The following ZNF469 variants were observed in gnomAD, a reference collection of about 807,000 sequenced individuals.
ZNF469 encodes the protein zinc finger protein 469.
In ZNF469, 1 loss-of-function variant was observed where a neutral mutation model predicts 1.0. That is an observed-to-expected ratio of 1.00 (90% confidence interval 0.35 to 4.73). ZNF469 has a LOEUF of 4.73. Ranked by LOEUF, ZNF469 falls within the 30% of genes most tolerant of loss-of-function variation. The pLI is 0.16. For missense variants in ZNF469, 6,100 were observed against 5,356.3 expected (o/e 1.14, Z -4.33); for synonymous variants, 2,703 against 2,363.4 (o/e 1.14, Z -4.17).
chr16:88,349,708 A>ACACG, the ZNF469 span, among the ~76,000 whole-genome samples: 1 of 74,016 alleles, frequency 1.4e-5, no homozygotes, highest in South Asian at 5.3e-4. Flanking sequence ...CACACACCAC[A>ACACG]CAAGTACACA....
intron 1 of ZNF469, among the ~76,000 whole-genome samples, chr16:88,400,362 A>G (rs929550316): frequency 6.6e-6 from 1 of 152,208 alleles, no homozygotes; most frequent in Non-Finnish European, 1.5e-5. Flanking sequence ...TTGGCCTACC[A>G]GGACAACGGC....
At chr16:88,353,160 G>C in the ZNF469 span, among the ~76,000 whole-genome samples, 1 of 152,150 alleles carries the variant, frequency 6.6e-6, no homozygotes, top group Non-Finnish European at 1.5e-5. Flanking sequence ...TAACAGTCCT[G>C]CGGACAGTGC....
the ZNF469 span, among the ~76,000 whole-genome samples, chr16:88,146,453 C>T: frequency 6.6e-6 from 1 of 152,146 alleles, no homozygotes; most frequent in Non-Finnish European, 1.5e-5. Context: ...GGACCCGGGT[C>T]TCACGCCCCC....
the ZNF469 span, among the ~76,000 whole-genome samples, chr16:88,369,648 C>T: frequency 9.8e-5 from 15 of 152,306 alleles, no homozygotes; most frequent in Non-Finnish European, 1.3e-4. Context: ...CTGGCTGTGA[C>T]GACATTCTCA....
the ZNF469 span, among the ~76,000 whole-genome samples, chr16:88,140,698 G>T: frequency 5.3e-5 from 8 of 152,196 alleles, no homozygotes; most frequent in Non-Finnish European, 8.8e-5. Flanking sequence ...TTGGGAAGCC[G>T]AGGTGGGTGG....
the ZNF469 span, among the ~76,000 whole-genome samples, chr16:88,269,246 G>C: frequency 6.6e-6 from 1 of 151,542 alleles, no homozygotes; most frequent in Non-Finnish European, 1.5e-5. Flanking sequence ...CTGCGCCTTA[G>C]CTTCTTTCCC....
the ZNF469 span, among the ~76,000 whole-genome samples, chr16:88,158,523 C>T: frequency 1.3e-5 from 2 of 150,584 alleles, no homozygotes; most frequent in African/African-American, 4.9e-5. Context: ...TGGGCACATG[C>T]CTGCCTCTGC....
the ZNF469 span, among the ~76,000 whole-genome samples, chr16:88,267,803 G>C: frequency 6.6e-6 from 1 of 151,918 alleles, no homozygotes; most frequent in African/African-American, 2.4e-5. Context: ...GGGCTGTTTG[G>C]GATAATGCAG....
At chr16:88,168,359 C>T in the ZNF469 span, among the ~76,000 whole-genome samples, 3 of 152,172 alleles carry the variant, frequency 2.0e-5, no homozygotes, top group Admixed American at 1.3e-4. The surrounding 1 kb of genome is among the most constrained non-coding windows in gnomAD (Gnocchi z 4.3). Flanking sequence ...TTTTTCCCCA[C>T]ATATTTTCTA....
chr16:88,138,382 G>T, the ZNF469 span, among the ~76,000 whole-genome samples: 1 of 152,162 alleles, frequency 6.6e-6, no homozygotes, highest in Non-Finnish European at 1.5e-5. Context: ...GCCTGGGAGC[G>T]CCCAGCGGGT....
chr16:88,117,660 A>AG, the ZNF469 span, among the ~76,000 whole-genome samples: 17 of 84,454 alleles, frequency 2.0e-4, no homozygotes, highest in South Asian at 2.7e-3. Flanking sequence ...GTGTCTTCAC[A>AG]AACCGTGGAG....
the ZNF469 span, among the ~76,000 whole-genome samples, chr16:88,316,537 G>A: frequency 5.7e-4 from 69 of 121,244 alleles, no homozygotes; most frequent in African/African-American, 2.2e-3. Context: ...ACTGAGTATA[G>A]GTGCTGTCTT....
chr16:88,438,276 G>A lies in ZNF469; in HGVS notation c.10806G>A (p.Pro3602=), dbSNP rs753881778. The A allele has an allele frequency of 7.9e-5, 122 of 1,548,138 alleles. No homozygotes were observed. Among genetic ancestry groups the A allele is most frequent in the East Asian group, 1.5e-4 (6 of 40,862 alleles). The change falls in exon 3 of 3, where the codon CCG becomes CCA. Residue 3602 remains proline (P), a synonymous_variant. Coordinates refer to ENST00000565624, the MANE Select transcript of ZNF469 (RefSeq NM_001367624.2). ...QQALPLGASL[P]RPGARGQDAE... ...CTCTCCCTCTGGGGGCATCTCTGCC[G>A]CGGCCGGGAGCCAGAGGCCAAGATG...
the ZNF469 span, among the ~76,000 whole-genome samples, chr16:88,312,227 T>G: frequency 6.6e-6 from 1 of 152,168 alleles, no homozygotes; most frequent in African/African-American, 2.4e-5. Context: ...ACAAGGGAAT[T>G]ATGGGAACTA....
chr16:88,368,280 G>A, the ZNF469 span, among the ~76,000 whole-genome samples: 182 of 152,356 alleles, frequency 1.2e-3, 4 homozygotes, highest in East Asian at 0.028. Flanking sequence ...TGAGGAGGGC[G>A]TAAGAGCTAC....
the ZNF469 span, among the ~76,000 whole-genome samples, chr16:88,137,089 C>T: frequency 1.3e-5 from 2 of 152,094 alleles, no homozygotes; most frequent in African/African-American, 4.8e-5. Flanking sequence ...GTGTGTGCAA[C>T]CATGCATGTG....
At chr16:88,138,529 G>C in the ZNF469 span, among the ~76,000 whole-genome samples, 4 of 152,298 alleles carry the variant, frequency 2.6e-5, no homozygotes, top group East Asian at 7.7e-4. Context: ...TTTTTAAAAG[G>C]AATCTGCCCC....
At chr16:88,207,430 G>T in the ZNF469 span, among the ~76,000 whole-genome samples, 1 of 148,490 alleles carries the variant, frequency 6.7e-6, no homozygotes, top group Non-Finnish European at 1.5e-5. Flanking sequence ...GGACAGCGGG[G>T]AGCTGAGGCT....
At chr16:88,144,069 G>C in the ZNF469 span, among the ~76,000 whole-genome samples, 1 of 152,252 alleles carries the variant, frequency 6.6e-6, no homozygotes, top group Non-Finnish European at 1.5e-5. Context: ...GGGGAGACAG[G>C]AGTGGGGAGT....
Sources: allele counts gnomAD v4.1 joint callset (sites outside exome capture counted in the v4.1 genomes callset), GRCh38; gene constraint gnomAD v4.1.1; non-coding constraint Gnocchi (gnomAD v3.1); transcripts MANE v1.5; gene names NCBI Gene and HGNC (gene_info 2026-07-23, HGNC 2026-07-21).